The following SPMIP3 variants were observed in gnomAD, a reference collection of about 807,000 sequenced individuals.
The protein encoded by SPMIP3 is protein SPMIP3.
the SPMIP3 span, chr1:244,388,990 G>C: frequency 2.5e-6 from 4 of 1,613,834 alleles, no homozygotes; most frequent in East Asian, 2.2e-5. Context: ...CTGAATCCTC[G>C]ACCGCTTAAT....
the SPMIP3 span, among the ~76,000 whole-genome samples, chr1:244,357,707 CAAAAAAAA>C: frequency 1.1e-5 from 1 of 95,100 alleles, no homozygotes; most frequent in South Asian, 3.7e-4. Context: ...GACTCCATCT[CAAAAAAAA>C]AAAAAAAAAA....
chr1:244,358,884 C>T, the SPMIP3 span, among the ~76,000 whole-genome samples: 4 of 152,062 alleles, frequency 2.6e-5, no homozygotes, highest in African/African-American at 9.7e-5. Flanking sequence ...CGAGAATCTT[C>T]TATTAAGGCA....
chr1:244,360,562 ATG>A, the SPMIP3 span, among the ~76,000 whole-genome samples: 189 of 17,694 alleles, frequency 0.011, 1 homozygote, highest in South Asian at 0.025. Context: ...ACACACATGC[ATG>A]CATGGAATAT....
the SPMIP3 span, among the ~76,000 whole-genome samples, chr1:244,365,890 GA>G: frequency 2.6e-5 from 4 of 152,152 alleles, no homozygotes; most frequent in Admixed American, 6.5e-5. Flanking sequence ...CCTCTGATGA[GA>G]GCTGACGGCA....
the SPMIP3 span, among the ~76,000 whole-genome samples, chr1:244,365,897 C>T: frequency 7.2e-5 from 11 of 152,154 alleles, no homozygotes; most frequent in South Asian, 2.1e-4. Flanking sequence ...TGAGAGCTGA[C>T]GGCACAGATG....
At chr1:244,367,626 C>T in the SPMIP3 span, among the ~76,000 whole-genome samples, 1 of 152,166 alleles carries the variant, frequency 6.6e-6, no homozygotes, top group Non-Finnish European at 1.5e-5. Context: ...GGACAAGCCC[C>T]AGAGAGCAGA....
the SPMIP3 span, among the ~76,000 whole-genome samples, chr1:244,374,941 T>C: frequency 6.6e-6 from 1 of 152,154 alleles, no homozygotes; most frequent in Non-Finnish European, 1.5e-5. Flanking sequence ...CCCCATTGGT[T>C]TTATTTATTT....
At chr1:244,375,213 A>C in the SPMIP3 span, 20 of 535,452 alleles carry the variant, frequency 3.7e-5, no homozygotes, top group South Asian at 5.3e-4. Flanking sequence ...ATGCATGAAA[A>C]AGACCCTTAT....
chr1:244,383,685 G>C, the SPMIP3 span, among the ~76,000 whole-genome samples: 1 of 152,178 alleles, frequency 6.6e-6, no homozygotes, highest in Non-Finnish European at 1.5e-5. Context: ...CAGGTTCATA[G>C]AGAGTACAGC....
chr1:244,367,083 G>A, the SPMIP3 span, among the ~76,000 whole-genome samples: 48 of 152,070 alleles, frequency 3.2e-4, no homozygotes, highest in Admixed American at 1.0e-3. Flanking sequence ...GGGGGTGGGA[G>A]AAGGGTGCGG....
At chr1:244,376,962 T>G in the SPMIP3 span, among the ~76,000 whole-genome samples, 2 of 140,936 alleles carry the variant, frequency 1.4e-5, no homozygotes, top group Non-Finnish European at 3.1e-5. Flanking sequence ...GCGGCCACCA[T>G]CACGCTCGGC....
At chr1:244,369,019 C>T in the SPMIP3 span, among the ~76,000 whole-genome samples, 6 of 152,082 alleles carry the variant, frequency 3.9e-5, no homozygotes, top group African/African-American at 9.7e-5. Flanking sequence ...ATTAGCAGGG[C>T]GTGATGGCAC....
chr1:244,375,714 G>A, the SPMIP3 span, among the ~76,000 whole-genome samples: 2 of 151,882 alleles, frequency 1.3e-5, no homozygotes, highest in African/African-American at 2.4e-5. Flanking sequence ...GCCCAGGCTG[G>A]AGTGCAGTGG....
chr1:244,384,495 C>A, the SPMIP3 span, among the ~76,000 whole-genome samples: 3 of 152,156 alleles, frequency 2.0e-5, no homozygotes, highest in East Asian at 5.8e-4. Context: ...TGAGCCACCA[C>A]ACCTGGCCAG....
chr1:244,359,731 T>G, the SPMIP3 span, among the ~76,000 whole-genome samples: 4 of 149,764 alleles, frequency 2.7e-5, no homozygotes, highest in African/African-American at 9.8e-5. Context: ...CTCAAAAAAA[T>G]TAATTAATTA....
chr1:244,363,563 G>A, the SPMIP3 span, among the ~76,000 whole-genome samples: 2 of 152,116 alleles, frequency 1.3e-5, no homozygotes, highest in Non-Finnish European at 2.9e-5. Context: ...GCTCTGGGTG[G>A]GGCCCCCAGG....
chr1:244,357,645 G>C, the SPMIP3 span, among the ~76,000 whole-genome samples: 6 of 149,370 alleles, frequency 4.0e-5, no homozygotes, highest in Admixed American at 1.3e-4. Context: ...GGAGGTGGAG[G>C]TTGCAGTGAG....
the SPMIP3 span, among the ~76,000 whole-genome samples, chr1:244,359,548 C>T: frequency 3.9e-5 from 6 of 151,936 alleles, no homozygotes; most frequent in East Asian, 1.9e-4. Flanking sequence ...ATGATGAAAC[C>T]CCGCCTCTAC....
At chr1:244,377,179 T>G in the SPMIP3 span, among the ~76,000 whole-genome samples, 7 of 150,886 alleles carry the variant, frequency 4.6e-5, no homozygotes, top group Non-Finnish European at 1.0e-4. Flanking sequence ...TGGACTGCAG[T>G]GGCGTGATCT....
Sources: gnomAD v4.1 joint callset for allele counts (sites outside exome capture counted in the v4.1 genomes callset) on GRCh38, gnomAD v4.1.1 for gene constraint, MANE v1.5 for transcripts, NCBI Gene and HGNC (gene_info 2026-07-23, HGNC 2026-07-21) for gene names.